Variants in SIGLEC1 observed in about 807,000 individuals in gnomAD.
SIGLEC1 encodes the protein sialoadhesin.
Under a neutral mutation model 148.0 loss-of-function variants are expected in SIGLEC1, and 132 were observed. The observed-to-expected ratio is 0.89, with a 90% confidence interval of 0.77 to 1.03. The LOEUF is 1.03. SIGLEC1 is among the 50% of genes least tolerant of loss of function. The pLI is 0.00. For synonymous variants in SIGLEC1, 945 were observed against 969.0 expected, an observed-to-expected ratio of 0.98 and a Z score of 0.46; for missense variants, 2,253 against 2,271.4, an observed-to-expected ratio of 0.99 and a Z score of 0.16.
At position 3,693,492 on chromosome 20, in the gene SIGLEC1, C is replaced by T; in HGVS notation, c.3463G>A (p.Gly1155Ser). Reference sequence around the variant, plus strand: ...GGTCTGGAGAGGCGGGGTGCCCGACCAGGGGGGCCCACACCGCAGCGGTAG... The same window carrying T: ...GGTCTGGAGAGGCGGGGTGCCCGACTAGGGGGGCCCACACCGCAGCGGTAG... ...TSYRCGVGPP[G>S]RAPRLSRPIT... is the part of the protein sequence containing the mutation. The change falls in exon 14 of 22, where the codon GGT becomes AGT. Residue 1155 changes from glycine to serine, a missense_variant. Coordinates refer to ENST00000344754, the MANE Select transcript of SIGLEC1 (RefSeq NM_023068.4). 2 of 1,605,776 alleles carry T rather than the reference C, an allele frequency of 1.2e-6. No individual in the cohort carries two copies. The highest frequency in any genetic ancestry group is 2.2e-5 in the East Asian group (1 of 44,760).
intron 13 of SIGLEC1, 150 bp from the exon 14 acceptor site, chr20:3,693,848 G>T: frequency 1.2e-6 from 1 of 816,360 alleles, no homozygotes; most frequent in Non-Finnish European, 1.8e-6. Flanking sequence ...ATGTGGCTTA[G>T]AAGTCAAGCT....
chr20:3,692,756 CAG>C lies in SIGLEC1; in HGVS notation c.3793_3794del (p.Leu1265GlyfsTer8), dbSNP rs747970381. 3 of 1,610,796 alleles carry C rather than the reference CAG, an allele frequency of 1.9e-6. No individual in the cohort carries two copies. Among genetic ancestry groups the C allele is most frequent in the Non-Finnish European group, 2.5e-6 (3 of 1,179,378 alleles). On this transcript the variant is annotated frameshift_variant, in exon 16 of 22. Transcript: ENST00000344754. LOFTEE classifies it high-confidence loss of function. ...ELRLEGVRVI[L>X]APEAAVPEGA... ...CTTCAGGCACGGCAGCCTCCGGAGCCAGGATCACCCGCACACCTGTGCCAAGG... is the reference window on the plus strand; with the variant it reads ...CTTCAGGCACGGCAGCCTCCGGAGCCGATCACCCGCACACCTGTGCCAAGG...
At chr20:3,689,557 G>T in intron 20 of SIGLEC1, 43 bp downstream of exon 20, 1 of 1,386,478 alleles carries the variant, frequency 7.2e-7, no homozygotes, top group Non-Finnish European at 1.0e-6. Flanking sequence ...GAGGTGGGCT[G>T]CCTTACCCCA....
chr20:3,706,491 A>C lies in SIGLEC1; in HGVS notation c.265T>G (p.Phe89Val), dbSNP rs773437768. 27 of 1,613,524 alleles carry C rather than the reference A, an allele frequency of 1.7e-5. No homozygotes were observed. In the South Asian group the frequency reaches 2.7e-4, roughly 16 times the overall value. Residue 89 changes from phenylalanine (F) to valine (V), a missense_variant, in exon 3 of 22, where the codon TTC becomes GTC. Phe to Val is a conservative substitution (Grantham distance 50, BLOSUM62 -1). Transcript: ENST00000344754. ...VEARFRGRTE[F>V]MGNPEHRVCN... is the part of the protein sequence containing the mutation. ...ACCCTGTGCTCGGGGTTCCCCATGAACTCGGTGCGGCCGCGGAAGCGGGCC... is the reference window on the plus strand; with the variant it reads ...ACCCTGTGCTCGGGGTTCCCCATGACCTCGGTGCGGCCGCGGAAGCGGGCC...
chr20:3,709,046 CAA>C (rs375193019), intron 1 of SIGLEC1, among the ~76,000 whole-genome samples: 18 of 80,040 alleles, frequency 2.2e-4, no homozygotes, highest in African/African-American at 8.5e-4. Context: ...TCTTCTGTCT[CAA>C]AAAAAAAAAA....
chr20:3,690,257 G>C lies in SIGLEC1; in HGVS notation c.4599C>G (p.Pro1533=), dbSNP rs944244254. ...APVMLRVLYP[P]KTPTMMVFVE... ...CGAAGACCATCATGGTGGGCGTCTT[G>C]GGAGGGTCTGTGGGGAGGAAGGGAG... The change falls in exon 19 of 22, where the codon CCC becomes CCG. Residue 1533 remains proline (P), a synonymous_variant. Transcript: ENST00000344754. 3.9e-6 allele frequency: 6 copies of C among 1,544,218 alleles called. No homozygotes were observed. The highest frequency in any genetic ancestry group is 4.4e-6 in the Non-Finnish European group (5 of 1,143,838).
chr20:3,700,000 G>T (rs923096024), intron 7 of SIGLEC1, among the ~76,000 whole-genome samples: 2 of 150,102 alleles, frequency 1.3e-5, no homozygotes, highest in Non-Finnish European at 1.5e-5. Context: ...TAGAGATAGG[G>T]TTTCACCATG....
chr20:3,690,454 T>G (rs565279153), intron 18 of SIGLEC1, among the ~76,000 whole-genome samples, 190 bp from the exon 19 acceptor site: 1 of 152,350 alleles, frequency 6.6e-6, no homozygotes, highest in Non-Finnish European at 1.5e-5. Context: ...GAGCCAGACC[T>G]CAAGAGGCCT....
intron 1 of SIGLEC1, among the ~76,000 whole-genome samples, chr20:3,708,308 C>T (rs1463791169): frequency 1.3e-5 from 2 of 152,074 alleles, no homozygotes; most frequent in Non-Finnish European, 2.9e-5. Flanking sequence ...GTACCATAGA[C>T]CTGAGCCCAA....
rs1644789050 is a variant in SIGLEC1, at chr20:3,704,052, C to A, written c.746G>T (p.Gly249Val). ...KGVKILLSPS[G>V]RNILPGELVT... is the part of the protein sequence containing the mutation. Reference sequence around the variant, plus strand: ...CAGCTCACCTGGAAGGATGTTCCTCCCCGAGGGGCTGAGGAGGATCTTCAC... The same window carrying A: ...CAGCTCACCTGGAAGGATGTTCCTCACCGAGGGGCTGAGGAGGATCTTCAC... The change falls in exon 5 of 22, where the codon GGG becomes GTG. Residue 249 changes from glycine (G) to valine (V), a missense_variant. Transcript: ENST00000344754. The A allele has an allele frequency of 1.2e-6, 2 of 1,613,560 alleles. No homozygotes were observed. The highest frequency in any genetic ancestry group is 1.7e-6 in the Non-Finnish European group (2 of 1,179,854).
At position 3,692,757 on chromosome 20, in the gene SIGLEC1, AG is replaced by A. The variant is rs1295569896; in HGVS notation, c.3793del (p.Leu1265TrpfsTer15). On this transcript the variant is annotated frameshift_variant, in exon 16 of 22. Coordinates refer to ENST00000344754, the MANE Select transcript of SIGLEC1 (RefSeq NM_023068.4). LOFTEE classifies it high-confidence loss of function. ...ELRLEGVRVILAPEAAVPEGA... is the reference protein window; with the variant it reads ...ELRLEGVRVIXAPEAAVPEGA... ...TTCAGGCACGGCAGCCTCCGGAGCC[AG>A]GATCACCCGCACACCTGTGCCAAGG... 6.2e-7 allele frequency: 1 copy of A among 1,610,858 alleles called. No individual in the cohort carries two copies. The highest frequency in any genetic ancestry group is 8.5e-7 in the Non-Finnish European group (1 of 1,179,382).
rs1390310549 is a variant in SIGLEC1, at chr20:3,712,454, C to T, written c.-110+16G>A. 6.6e-6 allele frequency among the ~76,000 whole-genome samples: 1 copy of T among 150,688 alleles called. No homozygotes were observed. The highest frequency in any genetic ancestry group is 1.5e-5 in the Non-Finnish European group (1 of 67,618). ...TCCACTCACCCTCTGGGCCCAGGGA[C>T]CAGGGACAGGGGTACCTGCTCCACA... On this transcript the variant is annotated intron_variant, in intron 1 of 21. Transcript: ENST00000344754.
chr20:3,706,035 G>A lies in SIGLEC1; in HGVS notation c.415C>T (p.Pro139Ser), dbSNP rs2042690677. ...KGTLVTVTEE[P>S]RVPTIASPVE... is the part of the protein sequence containing the mutation. ...GGGGAGGCAATGGTGGGCACCCTGG[G>A]CTCCTCTGAGGACAGAGACAGCAGT... Residue 139 changes from proline to serine, a missense_variant, in exon 4 of 22, where the codon CCC becomes TCC. Transcript: ENST00000344754. 2 of 1,612,392 alleles carry A rather than the reference G, an allele frequency of 1.2e-6. No individual in the cohort carries two copies. Among genetic ancestry groups the A allele is most frequent in the Non-Finnish European group, 1.7e-6 (2 of 1,179,580 alleles).
intron 11 of SIGLEC1, 39 bp from the exon 12 acceptor site, chr20:3,694,962 C>T: frequency 6.3e-7 from 1 of 1,583,522 alleles, no homozygotes; most frequent in Non-Finnish European, 8.6e-7. Context: ...GGCTCTCCAC[C>T]ACACCTCTCA....
intron 1 of SIGLEC1, among the ~76,000 whole-genome samples, 53 bp downstream of exon 1, chr20:3,712,417 C>A (rs540478586): frequency 6.6e-5 from 10 of 152,082 alleles, no homozygotes; most frequent in South Asian, 6.2e-4. Flanking sequence ...AGCCCAGCCC[C>A]GCTCCTAATG....
intron 20 of SIGLEC1, 88 bp from the exon 21 acceptor site, chr20:3,689,315 G>T: frequency 8.5e-7 from 1 of 1,173,562 alleles, no homozygotes; most frequent in South Asian, 1.2e-5. Context: ...GCTGGCTCCA[G>T]ACCACAAGAG....
chr20:3,699,179 T>A (rs1475150946), intron 8 of SIGLEC1, 23 bp downstream of exon 8: 3 of 1,604,382 alleles, frequency 1.9e-6, no homozygotes, highest in Non-Finnish European at 2.5e-6. Flanking sequence ...GGCAGGAGGC[T>A]GCAACAGGTG....
chr20:3,701,113 G>C (rs2146527845), intron 7 of SIGLEC1, among the ~76,000 whole-genome samples: 1 of 152,350 alleles, frequency 6.6e-6, no homozygotes, highest in Non-Finnish European at 1.5e-5. Flanking sequence ...TCCAAGTTTA[G>C]GGTCAGGGTA....
chr20:3,689,081 A>G, intron 21 of SIGLEC1, 74 bp downstream of exon 21: 1 of 1,274,492 alleles, frequency 7.8e-7, no homozygotes, highest in East Asian at 2.3e-5. Flanking sequence ...TCTAAATGAC[A>G]GCAGTCTCCA....
Sources: gnomAD v4.1 joint callset for allele counts (sites outside exome capture counted in the v4.1 genomes callset) on GRCh38, gnomAD v4.1.1 for gene constraint, MANE v1.5 for transcripts, NCBI Gene and HGNC (gene_info 2026-07-23, HGNC 2026-07-21) for gene names.